The following HMCN1 variants were observed in gnomAD, a reference collection of about 807,000 sequenced individuals.
The protein encoded by HMCN1 is hemicentin-1.
HMCN1 carries 321 observed loss-of-function variants against 625.9 expected under a neutral mutation model. That is an observed-to-expected ratio of 0.51 (90% CI 0.47 to 0.56). HMCN1 has a LOEUF of 0.56. HMCN1 is among the 20% of genes least tolerant of loss of function. HMCN1 has a pLI of 0.00. For synonymous variants in HMCN1, 2,425 were observed against 2,417.6 expected (o/e 1.00, Z -0.09); for missense variants, 6,588 against 6,887.3 (o/e 0.96, Z 1.54).
chr1:185,892,896 G>A (rs974939745), intron 4 of HMCN1, among the ~76,000 whole-genome samples: 7 of 152,136 alleles, frequency 4.6e-5, no homozygotes, highest in African/African-American at 7.2e-5. Flanking sequence ...AATGGCGGGC[G>A]CCCCTCCCCC....
chr1:185,876,639 C>T (rs1359264757), intron 4 of HMCN1, among the ~76,000 whole-genome samples: 2 of 151,902 alleles, frequency 1.3e-5, no homozygotes, highest in African/African-American at 2.4e-5. Context: ...TTTTGGTTTT[C>T]GTTCACATTT....
chr1:185,907,444 C>G (rs1170569356), intron 4 of HMCN1, among the ~76,000 whole-genome samples: 1 of 151,872 alleles, frequency 6.6e-6, no homozygotes, highest in Non-Finnish European at 1.5e-5. Flanking sequence ...GACTTTATGA[C>G]CATCCATTGT....
intron 30 of HMCN1, among the ~76,000 whole-genome samples, chr1:186,009,798 C>G (rs1653877089): frequency 6.6e-6 from 1 of 152,014 alleles, no homozygotes; most frequent in Admixed American, 6.6e-5. Context: ...TGCAGATTTA[C>G]TAGTAGTTCT....
rs778893262 is a variant in HMCN1 at position 185,822,410 on chromosome 1, C to T, written c.269-23616C>T. 8.8e-4 allele frequency among the ~76,000 whole-genome samples: 134 copies of T among 152,178 alleles called. 1 individual carries two copies. The highest frequency in any genetic ancestry group is 5.0e-3 in the South Asian group (24 of 4,822). ...AAACATAAAATAAGCTTTATGTTCT[C>T]CATCTTTCCAGGAAACTGAGAGGCC... is the stretch of plus-strand genomic sequence containing the variant. On this transcript the variant is annotated intron_variant, in intron 1 of 106. Coordinates refer to ENST00000271588, the MANE Select transcript of HMCN1 (RefSeq NM_031935.3).
At chr1:185,805,585 C>G (rs1045339328) in intron 1 of HMCN1, among the ~76,000 whole-genome samples, 21 of 152,192 alleles carry the variant, frequency 1.4e-4, no homozygotes, top group East Asian at 5.8e-4. Context: ...TATTCTATAT[C>G]CCTCAAAAAT....
chr1:185,857,961 A>G (rs976066843), intron 2 of HMCN1, among the ~76,000 whole-genome samples: 4 of 152,210 alleles, frequency 2.6e-5, no homozygotes, highest in Non-Finnish European at 4.4e-5. Flanking sequence ...GTGTCTCTGA[A>G]AGCTACTTGC....
At chr1:185,926,568 G>T (rs1317532493) in intron 9 of HMCN1, among the ~76,000 whole-genome samples, 1 of 152,174 alleles carries the variant, frequency 6.6e-6, no homozygotes, top group Non-Finnish European at 1.5e-5. Context: ...CACAGTTCCT[G>T]GGAGGTAAGC....
intron 1 of HMCN1, among the ~76,000 whole-genome samples, chr1:185,816,631 G>A (rs1325506187): frequency 2.0e-5 from 3 of 152,206 alleles, no homozygotes; most frequent in Non-Finnish European, 2.9e-5. Context: ...CCAGTGGTCT[G>A]TATTGGGTAA....
intron 36 of HMCN1, among the ~76,000 whole-genome samples, chr1:186,035,277 G>A (rs552956093): frequency 6.6e-6 from 1 of 152,286 alleles, no homozygotes; most frequent in South Asian, 2.1e-4. Flanking sequence ...AAGAGTGATA[G>A]AGGGGTGGTT....
chr1:186,160,948 A>T (rs1651421986), intron 97 of HMCN1, among the ~76,000 whole-genome samples: 1 of 151,970 alleles, frequency 6.6e-6, no homozygotes, highest in South Asian at 2.1e-4. Context: ...CACTTGGTGC[A>T]GAGCTGAGTT....
intron 1 of HMCN1, among the ~76,000 whole-genome samples, chr1:185,750,911 T>C (rs1255113542): frequency 6.6e-6 from 1 of 152,050 alleles, no homozygotes; most frequent in African/African-American, 2.4e-5. Flanking sequence ...TTATCCTTGA[T>C]TTGGTTGTCT....
chr1:185,813,392 C>T (rs566112368), intron 1 of HMCN1, among the ~76,000 whole-genome samples: 7 of 152,124 alleles, frequency 4.6e-5, no homozygotes, highest in South Asian at 4.1e-4. Context: ...AGAAACAGTA[C>T]GATGTCAGTG....
intron 77 of HMCN1, among the ~76,000 whole-genome samples, chr1:186,118,286 T>C (rs919346380): frequency 3.9e-5 from 6 of 152,076 alleles, no homozygotes; most frequent in African/African-American, 1.4e-4. Flanking sequence ...ACTTTAAGAG[T>C]ATGTGCATAT....
At chr1:186,012,524 A>T (rs1423516558) in intron 30 of HMCN1, among the ~76,000 whole-genome samples, 2 of 152,110 alleles carry the variant, frequency 1.3e-5, no homozygotes, top group African/African-American at 4.8e-5. Flanking sequence ...TTAAAAAAAA[A>T]TTTACTATTG....
At chr1:185,987,980 A>G (rs191419090) in intron 20 of HMCN1, among the ~76,000 whole-genome samples, 78 of 152,280 alleles carry the variant, frequency 5.1e-4, no homozygotes, top group African/African-American at 1.8e-3. Context: ...GGCACGGGGT[A>G]AAAAAGGAAC....
At chr1:185,925,625 A>C (rs1571567975) in intron 9 of HMCN1, among the ~76,000 whole-genome samples, 1 of 152,318 alleles carries the variant, frequency 6.6e-6, no homozygotes, top group Admixed American at 6.5e-5. Context: ...TGATAAGTGA[A>C]TCTGGTAAGT....
intron 29 of HMCN1, among the ~76,000 whole-genome samples, chr1:186,005,543 A>G (rs889651161): frequency 1.3e-5 from 2 of 148,884 alleles, no homozygotes; most frequent in African/African-American, 5.1e-5. Context: ...AAATGTTTAT[A>G]AACAATTTTT....
At chr1:185,826,998 A>C (rs529212939) in intron 1 of HMCN1, among the ~76,000 whole-genome samples, 1 of 151,816 alleles carries the variant, frequency 6.6e-6, no homozygotes, top group Non-Finnish European at 1.5e-5. Flanking sequence ...GACACAGTGA[A>C]ACCTTGTCTC....
chr1:185,864,971 C>T (rs1663090322), intron 3 of HMCN1, among the ~76,000 whole-genome samples: 2 of 152,238 alleles, frequency 1.3e-5, no homozygotes, highest in African/African-American at 2.4e-5. Context: ...ACGCCTGAGT[C>T]AGAGTTACTC....
Sources: allele counts gnomAD v4.1 joint callset (sites outside exome capture counted in the v4.1 genomes callset), GRCh38; gene constraint gnomAD v4.1.1; transcripts MANE v1.5; gene names NCBI Gene and HGNC (gene_info 2026-07-23, HGNC 2026-07-21).